Variants in DEPDC1B observed in about 807,000 individuals in gnomAD.
The protein encoded by DEPDC1B is DEP domain-containing protein 1B.
In DEPDC1B, 51 loss-of-function variants were observed where a neutral mutation model predicts 66.5. The ratio of observed to expected loss-of-function variants is 0.77; its 90% CI spans 0.61 to 0.97. The LOEUF is 0.97. Among genes scored for constraint, DEPDC1B ranks in the 50% least tolerant of loss-of-function variants. The probability of loss-of-function intolerance (pLI) is 0.00; values close to 1 mark genes in which losing one functional copy is unlikely to be tolerated. For missense variants in DEPDC1B, 552 were observed against 637.1 expected (o/e 0.87, Z 1.44); for synonymous variants, 226 against 223.6 (o/e 1.01, Z -0.10).
chr5:60,629,508 C>A (rs1281736223), intron 7 of DEPDC1B, among the ~76,000 whole-genome samples: 1 of 152,178 alleles, frequency 6.6e-6, no homozygotes, highest in Non-Finnish European at 1.5e-5. Context: ...CCACACTGAT[C>A]ATTTCATTGT....
chr5:60,674,376 T>C lies in DEPDC1B; in HGVS notation c.314+12586A>G, dbSNP rs141800931. On this transcript the variant is annotated intron_variant, in intron 2 of 10. Transcript: ENST00000265036. ...CAGGGCAATATATTTCAACATTCTA[T>C]TTAACACACCTACATGTACTAGTTC... Among the ~76,000 whole-genome samples the C allele has an allele frequency of 6.0e-3, 910 of 152,348 alleles. 10 individuals are homozygous for C. Among genetic ancestry groups the C allele is most frequent in the Middle Eastern group, 0.017 (5 of 294 alleles).
chr5:60,634,659 G>A (rs988091264), intron 7 of DEPDC1B, among the ~76,000 whole-genome samples: 4 of 145,978 alleles, frequency 2.7e-5, no homozygotes, highest in African/African-American at 7.8e-5. Context: ...GCAACACAGT[G>A]AGACTCTGTC....
chr5:60,621,112 G>A (rs987756045), intron 7 of DEPDC1B, among the ~76,000 whole-genome samples: 17 of 151,928 alleles, frequency 1.1e-4, no homozygotes, highest in African/African-American at 4.1e-4. Flanking sequence ...ACACAGGAAG[G>A]GGAACATCAC....
Position 60,647,476 on chromosome 5 carries a change from A to G in DEPDC1B, c.372T>C (p.Asp124=). ...PYPKKPPNQK[D]VIKFPEWNDL... is the part of the protein sequence containing the mutation. Reference sequence around the variant, plus strand: ...CATTCCATTCTGGAAATTTAATAACATCCTTTTGGTTTGGGGGCTTCTTTG... The same window carrying G: ...CATTCCATTCTGGAAATTTAATAACGTCCTTTTGGTTTGGGGGCTTCTTTG... Residue 124 remains aspartate (D), a synonymous_variant, in exon 3 of 11, where the codon GAT becomes GAC. Coordinates refer to ENST00000265036, the MANE Select transcript of DEPDC1B (RefSeq NM_018369.3). 6.2e-7 allele frequency: 1 copy of G among 1,612,804 alleles called. No homozygotes were observed. The highest frequency in any genetic ancestry group is 8.5e-7 in the Non-Finnish European group (1 of 1,179,538).
intron 8 of DEPDC1B, among the ~76,000 whole-genome samples, chr5:60,605,187 G>T (rs1584021073): frequency 6.6e-6 from 1 of 152,190 alleles, no homozygotes; most frequent in Admixed American, 6.5e-5. Context: ...GTTGGTCAAA[G>T]GGTACAAAGA....
intron 6 of DEPDC1B, among the ~76,000 whole-genome samples, chr5:60,639,532 A>C (rs991041692): frequency 3.3e-5 from 5 of 152,214 alleles, no homozygotes; most frequent in Non-Finnish European, 2.9e-5. Context: ...ACAGTTTATC[A>C]AGCAAAGTCA....
chr5:60,612,528 C>CAAAA (rs35196065), intron 7 of DEPDC1B, among the ~76,000 whole-genome samples: 30 of 90,186 alleles, frequency 3.3e-4, no homozygotes, highest in Non-Finnish European at 4.6e-4. Flanking sequence ...GAGATCTGCT[C>CAAAA]AAAAAAAAAA....
At chr5:60,599,031 C>T in intron 10 of DEPDC1B, 44 bp downstream of exon 10, 1 of 1,447,812 alleles carries the variant, frequency 6.9e-7, no homozygotes, top group Non-Finnish European at 9.2e-7. Context: ...AACATAAAAA[C>T]AGTAGGGAGG....
intron 2 of DEPDC1B, among the ~76,000 whole-genome samples, chr5:60,663,735 T>C (rs1204568028): frequency 1.3e-5 from 2 of 152,240 alleles, no homozygotes; most frequent in Non-Finnish European, 2.9e-5. Context: ...GTGGATGATT[T>C]ACTTCTAGCC....
At chr5:60,699,443 G>GAAA (rs528758437) in intron 1 of DEPDC1B, among the ~76,000 whole-genome samples, 39 of 89,362 alleles carry the variant, frequency 4.4e-4, no homozygotes, top group African/African-American at 1.5e-3. Context: ...TTTTCTCCCA[G>GAAA]AAAAAAAAAA....
chr5:60,644,357 AAC>A (rs1753260438), intron 5 of DEPDC1B, among the ~76,000 whole-genome samples: 1 of 152,222 alleles, frequency 6.6e-6, no homozygotes, highest in African/African-American at 2.4e-5. Context: ...CAGAAAATCT[AAC>A]ACAGAGAAGC....
rs1359639731 is a variant in DEPDC1B at position 60,698,770 on chromosome 5, A to G, written c.48+1276T>C. Among the ~76,000 whole-genome samples, 12 of 151,172 alleles carry G rather than the reference A, an allele frequency of 7.9e-5. No homozygotes were observed. In the East Asian group the frequency reaches 2.1e-3, roughly 27 times the overall value. On this transcript the variant is annotated intron_variant, in intron 1 of 10. Transcript: ENST00000265036. ...AACCTCTGCCTCCCAGGTTCAAGAG[A>G]TTCTCCTGCCTCAGCCTCCTGAGTA...
intron 3 of DEPDC1B, 97 bp from the exon 4 acceptor site, chr5:60,645,716 A>G: frequency 7.7e-7 from 1 of 1,304,782 alleles, no homozygotes; most frequent in Non-Finnish European, 1.0e-6. Flanking sequence ...TTTATGAGAA[A>G]TGTCTTTGAT....
intron 7 of DEPDC1B, among the ~76,000 whole-genome samples, chr5:60,633,602 T>C (rs1165413573): frequency 6.6e-6 from 1 of 152,138 alleles, no homozygotes; most frequent in African/African-American, 2.4e-5. Context: ...GGGAGGCCCC[T>C]ACCAATAGCC....
chr5:60,669,461 GA>G (rs2111980082), intron 2 of DEPDC1B, among the ~76,000 whole-genome samples: 1 of 152,260 alleles, frequency 6.6e-6, no homozygotes, highest in Admixed American at 6.5e-5. Context: ...TATATGGGCT[GA>G]TCCTTCTGAG....
chr5:60,638,452 C>T (rs1462020400), intron 7 of DEPDC1B, among the ~76,000 whole-genome samples: 1 of 152,188 alleles, frequency 6.6e-6, no homozygotes, highest in East Asian at 1.9e-4. Context: ...GTCAAACTTA[C>T]ATTCTCCTCT....
At position 60,665,052 on chromosome 5, in the gene DEPDC1B, G is replaced by C. The variant is rs377178572; in HGVS notation, c.315-17519C>G. On this transcript the variant is annotated intron_variant, in intron 2 of 10. Coordinates refer to ENST00000265036, the MANE Select transcript of DEPDC1B (RefSeq NM_018369.3). ...TAAAACCAAAAGAGCCGCAAGGTGG[G>C]ACCCTCCATTAGAAATGCTTATAGA... 4.6e-4 allele frequency among the ~76,000 whole-genome samples: 70 copies of C among 152,184 alleles called. No individual in the cohort carries two copies. In the East Asian group the frequency reaches 0.01, roughly 23 times the overall value.
intron 5 of DEPDC1B, among the ~76,000 whole-genome samples, chr5:60,643,376 T>A (rs2111871251): frequency 6.6e-6 from 1 of 152,310 alleles, no homozygotes; most frequent in South Asian, 2.1e-4. Context: ...GCTATTAGTA[T>A]TAGGACAACC....
chr5:60,694,567 C>T (rs571438230), intron 1 of DEPDC1B, among the ~76,000 whole-genome samples: 107 of 152,306 alleles, frequency 7.0e-4, no homozygotes, highest in African/African-American at 2.6e-3. Flanking sequence ...GTTATCATTT[C>T]TTTCATTTCT....
Sources: allele counts gnomAD v4.1 joint callset (sites outside exome capture counted in the v4.1 genomes callset), GRCh38; gene constraint gnomAD v4.1.1; transcripts MANE v1.5; gene names NCBI Gene and HGNC (gene_info 2026-07-23, HGNC 2026-07-21).